Variants in SIGLECL1 observed in about 807,000 individuals in gnomAD.
SIGLECL1 encodes the protein SIGLEC family-like protein 1.
Under a neutral mutation model 19.1 loss-of-function variants are expected in SIGLECL1, and 16 were observed. That is an observed-to-expected ratio of 0.84 (90% CI 0.57 to 1.27). The LOEUF is 1.27. Among genes scored for constraint, SIGLECL1 ranks in the 50% most tolerant of loss-of-function variants. The pLI is 0.00. For missense variants in SIGLECL1, 210 were observed against 239.4 expected, an observed-to-expected ratio of 0.88 and a Z score of 0.81; for synonymous variants, 89 against 90.4, an observed-to-expected ratio of 0.98 and a Z score of 0.09.
At chr19:51,268,239 G>T (rs891916866) in intron 5 of SIGLECL1, among the ~76,000 whole-genome samples, 4 of 152,130 alleles carry the variant, frequency 2.6e-5, no homozygotes, top group Middle Eastern at 3.2e-3. Flanking sequence ...GGTCGAGAAG[G>T]CACCTTCACA....
At chr19:51,252,154 G>A (rs1278061729) in intron 1 of SIGLECL1, among the ~76,000 whole-genome samples, 2 of 152,020 alleles carry the variant, frequency 1.3e-5, no homozygotes, top group South Asian at 2.1e-4. Flanking sequence ...AAAATTAGAT[G>A]GGCATCGTGG....
At chr19:51,255,177 T>C (rs1982725671) in intron 1 of SIGLECL1, among the ~76,000 whole-genome samples, 1 of 151,516 alleles carries the variant, frequency 6.6e-6, no homozygotes, top group Non-Finnish European at 1.5e-5. Flanking sequence ...CAAGAATCGC[T>C]TGCACCCAGG....
intron 1 of SIGLECL1, among the ~76,000 whole-genome samples, chr19:51,260,898 A>C (rs993154213): frequency 2.0e-5 from 3 of 152,176 alleles, no homozygotes; most frequent in Non-Finnish European, 4.4e-5. Flanking sequence ...TTCTGCAGTT[A>C]TTGATTGCAG....
chr19:51,254,796 T>TGAATTC (rs1982704082), intron 1 of SIGLECL1, among the ~76,000 whole-genome samples: 5 of 152,156 alleles, frequency 3.3e-5, no homozygotes, highest in African/African-American at 1.2e-4. Context: ...GAATTTATGG[T>TGAATTC]ATATGAATTA....
intron 1 of SIGLECL1, among the ~76,000 whole-genome samples, chr19:51,254,994 T>C (rs1310806542): frequency 6.6e-6 from 1 of 152,152 alleles, no homozygotes; most frequent in African/African-American, 2.4e-5. Context: ...GCGCAGTGGC[T>C]CACGCCTGTA....
At chr19:51,255,575 T>A (rs1466508687) in intron 1 of SIGLECL1, among the ~76,000 whole-genome samples, 1 of 151,944 alleles carries the variant, frequency 6.6e-6, no homozygotes, top group African/African-American at 2.4e-5. Context: ...CATAAGGAAC[T>A]CAAACAACTC....
chr19:51,254,340 A>G (rs1982673145), intron 1 of SIGLECL1, among the ~76,000 whole-genome samples: 1 of 152,060 alleles, frequency 6.6e-6, no homozygotes, highest in Admixed American at 6.5e-5. Context: ...TTAAAAAAAA[A>G]AAAAAAAGGA....
At position 51,264,247 on chromosome 19, in the gene SIGLECL1, C is replaced by G. The variant is rs1016206188; in HGVS notation, c.22+153C>G. On this transcript the variant is annotated intron_variant, in intron 2 of 5. Transcript: ENST00000601727. ...ATAATCAACATGAATTAGACAGCTT[C>G]TGTGTGTCAGATTTTGACAGGGCTG... is the stretch of plus-strand genomic sequence containing the variant. The G allele has an allele frequency of 1.5e-5, 13 of 859,524 alleles. No individual in the cohort carries two copies. The South Asian group carries it at 2.0e-4, about 13-fold the overall frequency. 53.2% of individuals were successfully genotyped at this position (859,524 alleles called of 1,614,324 possible).
At chr19:51,259,617 T>C (rs1360459337) in intron 1 of SIGLECL1, among the ~76,000 whole-genome samples, 1 of 152,224 alleles carries the variant, frequency 6.6e-6, no homozygotes, top group African/African-American at 2.4e-5. Context: ...TATTGGGCTT[T>C]GAGTCTGCCC....
Position 51,264,204 on chromosome 19 carries a change from T to C in SIGLECL1, c.22+110T>C, listed in dbSNP as rs192903960. The C allele has an allele frequency of 8.8e-5, 110 of 1,255,460 alleles. 1 individual carries two copies. The East Asian group carries it at 2.0e-3, about 23-fold the overall frequency. The allele number at this position is 1,255,460 out of a possible 1,614,324, so 77.8% of individuals were successfully genotyped here. On this transcript the variant is annotated intron_variant, in intron 2 of 5. Coordinates refer to ENST00000601727, the MANE Select transcript of SIGLECL1 (RefSeq NM_001385465.1). The stretch of plus-strand genomic sequence containing the variant: ...TATGGAGGCATGGAGAAAGAGGACA[T>C]ATGGGCATAAGTACCAAATAATCAA...
intron 1 of SIGLECL1, among the ~76,000 whole-genome samples, chr19:51,260,114 G>C (rs541047438): frequency 1.3e-5 from 2 of 152,112 alleles, no homozygotes; most frequent in African/African-American, 4.8e-5. Context: ...GCCTATATAG[G>C]GTACAGCCTT....
At chr19:51,252,533 C>G (rs1982556419) in intron 1 of SIGLECL1, among the ~76,000 whole-genome samples, 1 of 152,044 alleles carries the variant, frequency 6.6e-6, no homozygotes, top group Admixed American at 6.5e-5. Flanking sequence ...GGCCCAGGAC[C>G]TAGACAAGGC....
At chr19:51,252,914 C>T (rs990139794) in intron 1 of SIGLECL1, among the ~76,000 whole-genome samples, 3 of 151,868 alleles carry the variant, frequency 2.0e-5, no homozygotes, top group Non-Finnish European at 4.4e-5. Context: ...TGCTTGAGCC[C>T]AGGAGTTCGA....
chr19:51,258,495 C>G (rs570009704), intron 1 of SIGLECL1, among the ~76,000 whole-genome samples: 1 of 152,268 alleles, frequency 6.6e-6, no homozygotes, highest in Non-Finnish European at 1.5e-5. Flanking sequence ...AGGAGCTGAC[C>G]CACTGGATGC....
chr19:51,247,467 G>A (rs1476820031), upstream of SIGLECL1, among the ~76,000 whole-genome samples: 1 of 151,172 alleles, frequency 6.6e-6, no homozygotes. Context: ...CACTCAGGCT[G>A]GAGTGCACTG....
chr19:51,257,483 A>G (rs1401988209), intron 1 of SIGLECL1, among the ~76,000 whole-genome samples: 1 of 151,798 alleles, frequency 6.6e-6, no homozygotes, highest in East Asian at 1.9e-4. Context: ...CACATCTCCC[A>G]CTCTCAAACA....
chr19:51,254,505 G>A (rs1057147040), intron 1 of SIGLECL1, among the ~76,000 whole-genome samples: 74 of 152,248 alleles, frequency 4.9e-4, no homozygotes, highest in African/African-American at 1.7e-3. Context: ...AGCCTTGAAA[G>A]CATGCTAAAT....
At chr19:51,246,384 C>A (rs760248090), upstream of SIGLECL1, 1 of 152,120 alleles carries the variant, frequency 6.6e-6, no homozygotes. Context: ...TGGGGCTTTG[C>A]GCAAGGATAC....
chr19:51,248,718 G>C (rs550659400), upstream of SIGLECL1, among the ~76,000 whole-genome samples: 2 of 152,284 alleles, frequency 1.3e-5, no homozygotes, highest in East Asian at 3.9e-4. Context: ...ACTTTTATAA[G>C]GTATTCCTGG....
Sources: gnomAD v4.1 joint callset for allele counts (sites outside exome capture counted in the v4.1 genomes callset) on GRCh38, gnomAD v4.1.1 for gene constraint, MANE v1.5 for transcripts, NCBI Gene and HGNC (gene_info 2026-07-23, HGNC 2026-07-21) for gene names.